The following CTNND2 variants were observed in gnomAD, a reference collection of about 807,000 sequenced individuals.
CTNND2 encodes the protein catenin delta 2.
Under a neutral mutation model 144.4 loss-of-function variants are expected in CTNND2, and 22 were observed. The ratio of observed to expected loss-of-function variants is 0.15; its 90% confidence interval spans 0.11 to 0.22. The LOEUF (loss-of-function observed/expected upper bound fraction) is 0.22, where lower values mean the gene tolerates loss of function less well. Ranked by LOEUF, CTNND2 falls within the 10% of genes least tolerant of loss-of-function variation. The probability of loss-of-function intolerance (pLI) is 1.00; values close to 1 mark genes in which losing one functional copy is unlikely to be tolerated. For synonymous variants in CTNND2, 751 were observed against 695.6 expected (o/e 1.08, Z -1.25); for missense variants, 1,353 against 1,618.8 (o/e 0.84, Z 2.82).
At chr5:10,995,771 T>G (rs1739274399) in intron 18 of CTNND2, among the ~76,000 whole-genome samples, 4 of 152,032 alleles carry the variant, frequency 2.6e-5, no homozygotes, top group Admixed American at 2.6e-4. Context: ...GTGGATAAGA[T>G]TAAGTGAGCA....
chr5:11,560,728 G>T lies in CTNND2; in HGVS notation c.287+4216C>A, dbSNP rs78688251. 3.3e-5 allele frequency among the ~76,000 whole-genome samples: 5 copies of T among 152,306 alleles called. No homozygotes were observed. In the South Asian group the frequency reaches 1.0e-3, roughly 32 times the overall value. On this transcript the variant is annotated intron_variant, in intron 3 of 21. Coordinates refer to ENST00000304623, the MANE Select transcript of CTNND2 (RefSeq NM_001332.4). ...CATTCAGAAGGATATGAGCCCTGAG[G>T]TGGGTCACTAGATCCATAGGCAGAG...
At chr5:11,489,678 C>G (rs776514091) in intron 3 of CTNND2, among the ~76,000 whole-genome samples, 2 of 152,152 alleles carry the variant, frequency 1.3e-5, no homozygotes, top group Non-Finnish European at 2.9e-5. Flanking sequence ...GTGATTGGCA[C>G]ACAGCTGCCC....
intron 1 of CTNND2, among the ~76,000 whole-genome samples, chr5:11,891,496 T>C (rs930041610): frequency 1.3e-5 from 2 of 152,162 alleles, no homozygotes; most frequent in African/African-American, 2.4e-5. Flanking sequence ...GATGAAGTCC[T>C]AGCCCCCGAT....
At chr5:11,748,326 T>C (rs552847949) in intron 1 of CTNND2, among the ~76,000 whole-genome samples, 25 of 152,224 alleles carry the variant, frequency 1.6e-4, no homozygotes, top group Admixed American at 1.0e-3. Flanking sequence ...AAGTAAGCTG[T>C]GCTTAGGAGT....
intron 8 of CTNND2, among the ~76,000 whole-genome samples, chr5:11,353,803 C>CAAAAAAA (rs762692283): frequency 5.8e-5 from 7 of 121,566 alleles, no homozygotes; most frequent in African/African-American, 2.1e-4. Flanking sequence ...GACTCCATTT[C>CAAAAAAA]AAAAAAAAAA....
intron 16 of CTNND2, among the ~76,000 whole-genome samples, chr5:11,030,473 C>T (rs1743321744): frequency 1.8e-5 from 1 of 56,628 alleles, no homozygotes; most frequent in African/African-American, 1.1e-4. Flanking sequence ...TTTAAATTTT[C>T]CTGTCTTTCA....
At chr5:11,801,189 C>T (rs991830622) in intron 1 of CTNND2, among the ~76,000 whole-genome samples, 7 of 152,176 alleles carry the variant, frequency 4.6e-5, no homozygotes, top group African/African-American at 1.7e-4. Flanking sequence ...GTCTTGTTAG[C>T]TGATGGGTAC....
chr5:11,407,979 T>A (rs541462188), intron 5 of CTNND2, among the ~76,000 whole-genome samples: 7 of 152,210 alleles, frequency 4.6e-5, no homozygotes, highest in African/African-American at 1.7e-4. Context: ...CTGGTTGGGT[T>A]TGGCCAATGG....
intron 3 of CTNND2, among the ~76,000 whole-genome samples, chr5:11,465,116 T>C (rs987270459): frequency 6.6e-6 from 1 of 152,238 alleles, no homozygotes; most frequent in Non-Finnish European, 1.5e-5. Flanking sequence ...CACATTTTCC[T>C]TAAACAGTCA....
Position 11,245,213 on chromosome 5 carries a change from C to T in CTNND2, c.1629-8390G>A, listed in dbSNP as rs552945743. Among the ~76,000 whole-genome samples, 117 of 152,284 alleles carry T rather than the reference C, an allele frequency of 7.7e-4. 1 individual carries two copies. The highest frequency in any genetic ancestry group is 1.9e-4 in the Non-Finnish European group (13 of 68,036). On this transcript the variant is annotated intron_variant, in intron 9 of 21. Coordinates refer to ENST00000304623, the MANE Select transcript of CTNND2 (RefSeq NM_001332.4). Reference sequence around the variant, plus strand: ...AATTTAGGGGGCAGGGATCTGAGACCTTTTCTACCTGTCCCTATATTTGTG... The same window carrying T: ...AATTTAGGGGGCAGGGATCTGAGACTTTTTCTACCTGTCCCTATATTTGTG...
intron 9 of CTNND2, among the ~76,000 whole-genome samples, chr5:11,287,247 G>A (rs1747847740): frequency 6.6e-6 from 1 of 151,986 alleles, no homozygotes. Flanking sequence ...TTTAAGTAAG[G>A]CAGATAACCC....
chr5:11,890,066 T>C (rs566505490), intron 1 of CTNND2, among the ~76,000 whole-genome samples: 1 of 152,320 alleles, frequency 6.6e-6, no homozygotes, highest in South Asian at 2.1e-4. Flanking sequence ...AATTTTGCCA[T>C]TATTCATCTA....
intron 7 of CTNND2, among the ~76,000 whole-genome samples, chr5:11,378,705 T>C (rs9312768): frequency 0.73 from 110,904 of 152,068 alleles, 41,113 homozygotes; most frequent in African/African-American, 0.85. Flanking sequence ...AACAAACTCG[T>C]TCATTACCCC....
At chr5:11,885,266 G>T (rs1736432965) in intron 1 of CTNND2, among the ~76,000 whole-genome samples, 1 of 152,070 alleles carries the variant, frequency 6.6e-6, no homozygotes, top group African/African-American at 2.4e-5. Context: ...TTTGAATTCA[G>T]CCATGAAGTC....
At chr5:11,851,088 G>A (rs1382046713) in intron 1 of CTNND2, among the ~76,000 whole-genome samples, 1 of 152,072 alleles carries the variant, frequency 6.6e-6, no homozygotes, top group African/African-American at 2.4e-5. Context: ...TAAATACCCT[G>A]TTTGCGTTCC....
chr5:11,784,051 C>G (rs4327599), intron 1 of CTNND2, among the ~76,000 whole-genome samples: 148,985 of 152,324 alleles, frequency 0.98, 72,939 homozygotes, highest in East Asian at 1. Context: ...GCAAAACAAA[C>G]CAGAACAAAA....
intron 3 of CTNND2, among the ~76,000 whole-genome samples, chr5:11,488,218 A>T (rs1769027223): frequency 6.6e-6 from 1 of 152,218 alleles, no homozygotes; most frequent in Non-Finnish European, 1.5e-5. Context: ...AAATTTTTTT[A>T]TAACGTTTAT....
At chr5:11,123,969 T>C (rs1047263897) in intron 12 of CTNND2, among the ~76,000 whole-genome samples, 4 of 152,176 alleles carry the variant, frequency 2.6e-5, no homozygotes, top group Non-Finnish European at 4.4e-5. Context: ...CATCAGCTTC[T>C]AACAGTCAAC....
chr5:11,786,342 AATTT>A (rs1299828785), intron 1 of CTNND2, among the ~76,000 whole-genome samples: 1 of 152,140 alleles, frequency 6.6e-6, no homozygotes, highest in Admixed American at 6.5e-5. Flanking sequence ...TTACTCTATT[AATTT>A]ATTAACACTT....
Sources: gnomAD v4.1 joint callset for allele counts (sites outside exome capture counted in the v4.1 genomes callset) on GRCh38, gnomAD v4.1.1 for gene constraint, MANE v1.5 for transcripts, NCBI Gene and HGNC (gene_info 2026-07-23, HGNC 2026-07-21) for gene names.